The following AGBL4 variants were observed in gnomAD, a reference collection of about 807,000 sequenced individuals.
AGBL4 encodes the protein cytosolic carboxypeptidase 6.
AGBL4 carries 58 observed loss-of-function variants against 66.4 expected under a neutral mutation model. The ratio of observed to expected loss-of-function variants is 0.87; its 90% CI spans 0.71 to 1.09. The LOEUF (loss-of-function observed/expected upper bound fraction) is 1.09. AGBL4 is among the 50% of genes least tolerant of loss of function. AGBL4 has a pLI of 0.00. For missense variants in AGBL4, 579 were observed against 631.0 expected (o/e 0.92, Z 0.88); for synonymous variants, 234 against 222.9 (o/e 1.05, Z -0.44).
At position 49,950,173 on chromosome 1, in the gene AGBL4, T is replaced by C. The variant is rs146075458; in HGVS notation, c.34+73590A>G. Among the ~76,000 whole-genome samples the C allele has an allele frequency of 4.5e-4, 66 of 146,212 alleles. 2 individuals carry two copies. The East Asian group carries it at 6.3e-3, about 14-fold the overall frequency. Reference sequence around the variant, plus strand: ...GTATATATATACACACATATATATATACATATGTATATACACATATGTATA... The same window carrying C: ...GTATATATATACACACATATATATACACATATGTATATACACATATGTATA... On this transcript the variant is annotated intron_variant, in intron 1 of 13. Transcript: ENST00000371839.
At chr1:49,014,471 T>C (rs886993735) in intron 5 of AGBL4, among the ~76,000 whole-genome samples, 1 of 152,218 alleles carries the variant, frequency 6.6e-6, no homozygotes, top group Non-Finnish European at 1.5e-5. Context: ...AAATAATCTA[T>C]GAGGGATGCT....
intron 1 of AGBL4, among the ~76,000 whole-genome samples, chr1:49,916,370 AG>A (rs1320294456): frequency 6.6e-6 from 1 of 152,192 alleles, no homozygotes; most frequent in Non-Finnish European, 1.5e-5. Flanking sequence ...TACAATAACC[AG>A]TGTAGAGAAG....
intron 2 of AGBL4, among the ~76,000 whole-genome samples, chr1:49,731,362 T>C (rs1649433054): frequency 6.6e-6 from 1 of 152,208 alleles, no homozygotes; most frequent in Non-Finnish European, 1.5e-5. Flanking sequence ...TCCTGACTGA[T>C]ATAGTGAGAT....
intron 6 of AGBL4, among the ~76,000 whole-genome samples, chr1:48,684,978 G>A (rs1246817474): frequency 6.6e-6 from 1 of 152,202 alleles, no homozygotes; most frequent in African/African-American, 2.4e-5. Context: ...TGCAGGAGGA[G>A]CTCTGAAGGC....
chr1:49,717,552 C>T (rs1182507949), intron 2 of AGBL4, among the ~76,000 whole-genome samples: 1 of 151,926 alleles, frequency 6.6e-6, no homozygotes, highest in Non-Finnish European at 1.5e-5. Flanking sequence ...TAAATAATGC[C>T]AAATACCCTT....
At chr1:48,902,949 G>T (rs1352766506) in intron 5 of AGBL4, among the ~76,000 whole-genome samples, 1 of 152,034 alleles carries the variant, frequency 6.6e-6, no homozygotes, top group Admixed American at 6.6e-5. Context: ...CAGTCCTCTG[G>T]CTCTGCCTGC....
At chr1:49,689,525 T>A (rs1245449648) in intron 3 of AGBL4, among the ~76,000 whole-genome samples, 1 of 152,184 alleles carries the variant, frequency 6.6e-6, no homozygotes, top group Non-Finnish European at 1.5e-5. Flanking sequence ...AGTTTTGTTA[T>A]TTTTGCTCAG....
chr1:49,980,352 C>T (rs548369513), intron 1 of AGBL4, among the ~76,000 whole-genome samples: 4 of 152,200 alleles, frequency 2.6e-5, no homozygotes, highest in East Asian at 1.9e-4. Context: ...AACAGATCTC[C>T]GGAACTTTTT....
chr1:48,608,212 T>C (rs1217896232), intron 9 of AGBL4, among the ~76,000 whole-genome samples: 1 of 152,294 alleles, frequency 6.6e-6, no homozygotes, highest in Non-Finnish European at 1.5e-5. Flanking sequence ...GGTTGAAAGC[T>C]TTCAATCTAG....
intron 3 of AGBL4, among the ~76,000 whole-genome samples, chr1:49,585,518 A>T (rs1257473807): frequency 6.6e-6 from 1 of 152,080 alleles, no homozygotes; most frequent in Admixed American, 6.6e-5. Flanking sequence ...TCAATCCTAT[A>T]AAAGGTTGTT....
At chr1:49,179,586 A>T (rs937609066) in intron 4 of AGBL4, among the ~76,000 whole-genome samples, 5 of 152,138 alleles carry the variant, frequency 3.3e-5, no homozygotes, top group African/African-American at 1.2e-4. Context: ...TCAGAAGTCA[A>T]CACTAGCAAG....
At chr1:49,473,783 A>G (rs1646794299) in intron 3 of AGBL4, among the ~76,000 whole-genome samples, 1 of 152,056 alleles carries the variant, frequency 6.6e-6, no homozygotes, top group Admixed American at 6.6e-5. Context: ...ATTAGTCTTT[A>G]ATCCATTTTT....
rs1646469015 is a variant in AGBL4 at position 49,158,084 on chromosome 1, G to T, written c.377+87686C>A. On this transcript the variant is annotated intron_variant, in intron 4 of 13. Transcript: ENST00000371839. The stretch of plus-strand genomic sequence containing the variant: ...TGCTGTGCAGATGCTCTTAGGGAAA[G>T]GATTCCCTATTTAATAAATGTTGGG... Among the ~76,000 whole-genome samples the T allele has an allele frequency of 2.6e-5, 4 of 151,984 alleles. No individual in the cohort carries two copies. In the South Asian group the frequency reaches 8.3e-4, roughly 32 times the overall value.
chr1:48,787,462 T>C (rs780429634), intron 6 of AGBL4, among the ~76,000 whole-genome samples: 2 of 152,204 alleles, frequency 1.3e-5, no homozygotes, highest in Non-Finnish European at 2.9e-5. Flanking sequence ...TTTCTTTCAT[T>C]TACTAACACA....
At chr1:49,339,460 T>C (rs1370187485) in intron 3 of AGBL4, among the ~76,000 whole-genome samples, 1 of 152,186 alleles carries the variant, frequency 6.6e-6, no homozygotes, top group African/African-American at 2.4e-5. Context: ...TGGCTAAAAT[T>C]GCACAGCTTA....
intron 6 of AGBL4, among the ~76,000 whole-genome samples, chr1:48,734,012 C>T (rs1648599270): frequency 6.6e-6 from 1 of 152,196 alleles, no homozygotes; most frequent in Admixed American, 6.5e-5. Context: ...CACGTTCCAA[C>T]AAACATAGCA....
At chr1:48,845,992 T>C (rs1256504724) in intron 6 of AGBL4, among the ~76,000 whole-genome samples, 9 of 152,170 alleles carry the variant, frequency 5.9e-5, no homozygotes. Flanking sequence ...GTATCTGGTC[T>C]AGTGGAGGCC....
At chr1:49,979,694 A>C (rs147630583) in intron 1 of AGBL4, among the ~76,000 whole-genome samples, 343 of 152,326 alleles carry the variant, frequency 2.3e-3, no homozygotes, top group African/African-American at 7.9e-3. Context: ...TCTCTGCATG[A>C]GCAGTTCATC....
Position 48,847,399 on chromosome 1 carries a change from C to CAA in AGBL4, c.634+19790_634+19791dup, listed in dbSNP as rs11413755. On this transcript the variant is annotated intron_variant, in intron 6 of 13. Coordinates refer to ENST00000371839, the MANE Select transcript of AGBL4 (RefSeq NM_032785.4). The stretch of plus-strand genomic sequence containing the variant: ...AAGGCACTTTCATAAAGAAATGAGG[C>CAA]AAAAAAAAAAAAAAAGCCTGTATTT... 3.0e-3 allele frequency among the ~76,000 whole-genome samples: 381 copies of CAA among 126,030 alleles called. 1 individual carries two copies. The highest frequency in any genetic ancestry group is 5.6e-3 in the African/African-American group (177 of 31,822). 82.7% of individuals were successfully genotyped at this position (126,030 alleles called of 152,430 possible). A position where few individuals can be genotyped will look rare whatever the true frequency, so the allele number is the denominator to read the frequency against.
Sources: gnomAD v4.1 joint callset for allele counts (sites outside exome capture counted in the v4.1 genomes callset) on GRCh38, gnomAD v4.1.1 for gene constraint, MANE v1.5 for transcripts, NCBI Gene and HGNC (gene_info 2026-07-23, HGNC 2026-07-21) for gene names.